Variants in ASTN2 observed in about 807,000 individuals in gnomAD.
The protein encoded by ASTN2 is astrotactin 2.
Under a neutral mutation model 139.8 loss-of-function variants are expected in ASTN2, and 54 were observed. The ratio of observed to expected loss-of-function variants is 0.39; its 90% CI spans 0.31 to 0.48. The LOEUF (loss-of-function observed/expected upper bound fraction) is 0.48. ASTN2 is among the 20% of genes least tolerant of loss of function. The pLI is 0.95. For missense variants in ASTN2, 1,565 were observed against 1,725.1 expected (o/e 0.91, Z 1.64); for synonymous variants, 756 against 719.5 (o/e 1.05, Z -0.81).
chr9:116,466,811 C>T (rs1848659595), intron 20 of ASTN2, among the ~76,000 whole-genome samples: 1 of 152,102 alleles, frequency 6.6e-6, no homozygotes, highest in Non-Finnish European at 1.5e-5. Flanking sequence ...TTTTTTTTCT[C>T]CATAACCCAT....
At chr9:116,494,095 T>C (rs766317557) in intron 19 of ASTN2, among the ~76,000 whole-genome samples, 25 of 152,170 alleles carry the variant, frequency 1.6e-4, no homozygotes, top group Non-Finnish European at 3.5e-4. Context: ...TTCTGAAACA[T>C]GGTGTTATTT....
chr9:117,381,760 G>A (rs1415805627), intron 1 of ASTN2, among the ~76,000 whole-genome samples: 1 of 152,036 alleles, frequency 6.6e-6, no homozygotes, highest in Non-Finnish European at 1.5e-5. Flanking sequence ...AATACAACAA[G>A]TTCATAATTA....
At chr9:116,507,684 G>C (rs1265681250) in intron 19 of ASTN2, among the ~76,000 whole-genome samples, 1 of 152,008 alleles carries the variant, frequency 6.6e-6, no homozygotes, top group East Asian at 1.9e-4. Flanking sequence ...TATTGTTCTT[G>C]GCACCTTCCC....
At chr9:117,009,589 G>GA (rs1408236100) in intron 6 of ASTN2, among the ~76,000 whole-genome samples, 1 of 152,176 alleles carries the variant, frequency 6.6e-6, no homozygotes, top group East Asian at 1.9e-4. Context: ...AGTCTAGACT[G>GA]ATGGCAGATC....
intron 13 of ASTN2, among the ~76,000 whole-genome samples, chr9:116,778,577 A>G (rs1012802806): frequency 1.3e-5 from 2 of 152,134 alleles, no homozygotes. Flanking sequence ...AGCCATGAAT[A>G]AAACTGTTCT....
intron 20 of ASTN2, among the ~76,000 whole-genome samples, chr9:116,484,823 G>A (rs1433389697): frequency 1.3e-5 from 2 of 152,198 alleles, no homozygotes; most frequent in Non-Finnish European, 1.5e-5. Flanking sequence ...AGGAAAAGAA[G>A]GGGCAAAGGA....
rs556694623 is a variant in ASTN2, at chr9:116,770,087, C to T, written c.2396+35545G>A. On this transcript the variant is annotated intron_variant, in intron 13 of 22. Transcript: ENST00000313400. ...ACTGAGGTTAAATTGGGGGCATAAA[C>T]AAGGGCTCTGAGAGTTAAAAAAAAA... Among the ~76,000 whole-genome samples, 8 of 137,134 alleles carry T rather than the reference C, an allele frequency of 5.8e-5. No individual in the cohort carries two copies. The South Asian group carries it at 2.0e-3, about 34-fold the overall frequency. 90.0% of individuals were successfully genotyped at this position (137,134 alleles called of 152,430 possible). A position where few individuals can be genotyped will look rare whatever the true frequency, so the allele number is the denominator to read the frequency against.
At chr9:116,740,368 C>A (rs184493374) in intron 13 of ASTN2, among the ~76,000 whole-genome samples, 1 of 152,160 alleles carries the variant, frequency 6.6e-6, no homozygotes, top group Non-Finnish European at 1.5e-5. Context: ...AGAACTCATA[C>A]GCACATGGAT....
At chr9:117,294,490 A>T (rs1834679485) in intron 1 of ASTN2, among the ~76,000 whole-genome samples, 1 of 152,238 alleles carries the variant, frequency 6.6e-6, no homozygotes, top group Non-Finnish European at 1.5e-5. Context: ...TCATTCACTC[A>T]TTATTCATTT....
chr9:117,318,410 T>G (rs1440337453), intron 1 of ASTN2, among the ~76,000 whole-genome samples: 1 of 152,156 alleles, frequency 6.6e-6, no homozygotes, highest in Admixed American at 6.5e-5. Context: ...ATCTTAGAGT[T>G]TGGGCTACTA....
At chr9:117,269,926 A>G (rs1426988637) in intron 2 of ASTN2, among the ~76,000 whole-genome samples, 1 of 152,188 alleles carries the variant, frequency 6.6e-6, no homozygotes, top group African/African-American at 2.4e-5. Context: ...TTTCATATAC[A>G]TCTTATCTCA....
At chr9:117,011,898 G>T (rs928320954) in intron 6 of ASTN2, among the ~76,000 whole-genome samples, 2 of 152,132 alleles carry the variant, frequency 1.3e-5, no homozygotes, top group Admixed American at 6.6e-5. Context: ...TTGGTCAGTT[G>T]CTTTTTATGG....
chr9:116,933,342 T>C (rs1208832043), intron 10 of ASTN2, among the ~76,000 whole-genome samples: 1 of 152,158 alleles, frequency 6.6e-6, no homozygotes, highest in Non-Finnish European at 1.5e-5. Context: ...GAACTCTGGA[T>C]GCTGATGTTT....
In ASTN2 at chr9:116,893,112, T is replaced by TA. The variant is rs555374729; in HGVS notation, c.1890-29380dup. On this transcript the variant is annotated intron_variant, in intron 10 of 22. Transcript: ENST00000313400. ...TAAATTACACAAGAGCATGAGTTTTTATCTGTTTTACTCATTGAAGTGTTG... is the reference window on the plus strand; with the variant it reads ...TAAATTACACAAGAGCATGAGTTTTTAATCTGTTTTACTCATTGAAGTGTTG... Among the ~76,000 whole-genome samples, 26 of 152,134 alleles carry TA rather than the reference T, an allele frequency of 1.7e-4. No individual in the cohort carries two copies. The East Asian group carries it at 4.6e-3, about 27-fold the overall frequency.
rs138560026 is a variant in ASTN2, at chr9:116,610,147, A to C, written c.3355+8177T>G. Among the ~76,000 whole-genome samples, 808 of 152,338 alleles carry C rather than the reference A, an allele frequency of 5.3e-3. 2 individuals carry two copies. The highest frequency in any genetic ancestry group is 9.5e-3 in the Non-Finnish European group (649 of 68,026). The stretch of plus-strand genomic sequence containing the variant: ...ATGGACTCTAAAATAAATAGTTAAC[A>C]AAGAAACAAACAAATATCACATTAA... On this transcript the variant is annotated intron_variant, in intron 19 of 22. Coordinates refer to ENST00000313400, the MANE Select transcript of ASTN2 (RefSeq NM_001365068.1).
chr9:117,041,618 T>C (rs182244503), intron 5 of ASTN2, among the ~76,000 whole-genome samples: 1 of 152,298 alleles, frequency 6.6e-6, no homozygotes, highest in East Asian at 1.9e-4. Context: ...TTCACTGCAC[T>C]CCCTGCTGAA....
At chr9:116,819,644 C>T (rs892446050) in intron 12 of ASTN2, among the ~76,000 whole-genome samples, 11 of 152,226 alleles carry the variant, frequency 7.2e-5, no homozygotes, top group Non-Finnish European at 1.6e-4. Context: ...TCCTGTTCTG[C>T]TTTTCTATCT....
intron 16 of ASTN2, among the ~76,000 whole-genome samples, chr9:116,665,482 T>A (rs189220771): frequency 6.6e-6 from 1 of 152,208 alleles, no homozygotes; most frequent in Non-Finnish European, 1.5e-5. Flanking sequence ...TTCATAGCTC[T>A]GCCTACTGAA....
At chr9:117,088,471 T>G (rs997139246) in intron 5 of ASTN2, among the ~76,000 whole-genome samples, 1 of 152,152 alleles carries the variant, frequency 6.6e-6, no homozygotes, top group African/African-American at 2.4e-5. Context: ...TGACTTGAAC[T>G]TTTCCTCACC....
Sources: gnomAD v4.1 joint callset for allele counts (sites outside exome capture counted in the v4.1 genomes callset) on GRCh38, gnomAD v4.1.1 for gene constraint, MANE v1.5 for transcripts, NCBI Gene and HGNC (gene_info 2026-07-23, HGNC 2026-07-21) for gene names.